SFI1: variants seen among roughly 807,000 people sequenced by gnomAD.
The protein encoded by SFI1 is protein SFI1 homolog.
In SFI1, 195 loss-of-function variants were observed where a neutral mutation model predicts 207.5. That is an observed-to-expected ratio of 0.94 (90% CI 0.84 to 1.06). The LOEUF is 1.06. Among genes scored for constraint, SFI1 ranks in the 50% least tolerant of loss-of-function variants. The pLI, the probability that SFI1 is intolerant of heterozygous loss-of-function variation, is 0.00. For missense variants in SFI1, 1,634 were observed against 1,588.0 expected, an observed-to-expected ratio of 1.03 and a Z score of -0.49; for synonymous variants, 630 against 598.9, an observed-to-expected ratio of 1.05 and a Z score of -0.76.
chr22:31,532,303 T>C (rs2058605336), intron 4 of SFI1, among the ~76,000 whole-genome samples: 1 of 152,160 alleles, frequency 6.6e-6, no homozygotes, highest in Admixed American at 6.6e-5. Flanking sequence ...TCATTTTGTA[T>C]AGACCAGTGC....
chr22:31,583,147 CTT>C (rs1371753695), intron 12 of SFI1, among the ~76,000 whole-genome samples: 1 of 152,074 alleles, frequency 6.6e-6, no homozygotes, highest in South Asian at 2.1e-4. Context: ...GAGTTTCACT[CTT>C]GTTGCCCAGG....
intron 15 of SFI1, among the ~76,000 whole-genome samples, chr22:31,598,857 G>A (rs1402720189): frequency 8.1e-5 from 10 of 123,034 alleles, no homozygotes; most frequent in Non-Finnish European, 1.3e-4. Flanking sequence ...GCAGTGGCAC[G>A]ATCTCAGCTC....
At chr22:31,570,108 G>A (rs1358576578) in intron 8 of SFI1, among the ~76,000 whole-genome samples, 2 of 143,250 alleles carry the variant, frequency 1.4e-5, no homozygotes, top group African/African-American at 5.2e-5. Context: ...CTGAGTAACA[G>A]AATGAGACTC....
chr22:31,580,600 T>G lies in SFI1; in HGVS notation c.1248+236T>G, dbSNP rs1441767306. ...CTCTATTGCCCAGACTGTAATACAG[T>G]GGCACGATCTCAGCTCACTGCAACC... On this transcript the variant is annotated intron_variant, in intron 12 of 32. Transcript: ENST00000400288. Among the ~76,000 whole-genome samples, 4 of 149,084 alleles carry G rather than the reference T, an allele frequency of 2.7e-5. No individual in the cohort carries two copies. In the Admixed American group the frequency reaches 2.8e-4, roughly 10 times the overall value.
intron 15 of SFI1, among the ~76,000 whole-genome samples, chr22:31,601,037 C>T (rs2068011048): frequency 6.6e-6 from 1 of 151,962 alleles, no homozygotes; most frequent in African/African-American, 2.4e-5. Flanking sequence ...CCCAGCACTG[C>T]TGCTGCAGGA....
intron 23 of SFI1, 39 bp from the exon 24 acceptor site, chr22:31,611,727 G>A: frequency 1.3e-6 from 2 of 1,599,428 alleles, no homozygotes; most frequent in Non-Finnish European, 1.7e-6. Context: ...GTCTAGGCTG[G>A]GTCAGGACGC....
At chr22:31,614,758 C>A in intron 27 of SFI1, 31 bp from the exon 28 acceptor site, 4 of 1,612,050 alleles carry the variant, frequency 2.5e-6, no homozygotes, top group Non-Finnish European at 3.4e-6. Flanking sequence ...CCTGGTCAGC[C>A]CAGGGGAACA....
intron 4 of SFI1, among the ~76,000 whole-genome samples, chr22:31,535,381 C>A (rs1398312101): frequency 6.6e-6 from 1 of 151,524 alleles, no homozygotes; most frequent in Admixed American, 6.6e-5. Context: ...GTAGAGACAG[C>A]ATTTCACCAT....
In SFI1 at chr22:31,618,095, T is replaced by A; in HGVS notation, c.3513-20T>A. On this transcript the variant is annotated intron_variant, in intron 31 of 32. Coordinates refer to ENST00000400288, the MANE Select transcript of SFI1 (RefSeq NM_001007467.3). ...GCCAAGGACCCAGCCTGGCAGGCAG[T>A]GGGTATCTCCACCCCTCAGGTCCTG... 1 of 1,554,712 alleles carries A rather than the reference T, an allele frequency of 6.4e-7. No homozygotes were observed. Among genetic ancestry groups the A allele is most frequent in the East Asian group, 2.4e-5 (1 of 42,350 alleles).
intron 8 of SFI1, among the ~76,000 whole-genome samples, chr22:31,567,018 G>C (rs927369359): frequency 6.6e-6 from 1 of 152,020 alleles, no homozygotes; most frequent in Non-Finnish European, 1.5e-5. Context: ...CCATTCTTCT[G>C]CCTCAGCCTC....
At chr22:31,547,680 C>T (rs1448548766) in intron 5 of SFI1, among the ~76,000 whole-genome samples, 4 of 150,334 alleles carry the variant, frequency 2.7e-5, no homozygotes, top group South Asian at 4.2e-4. Context: ...AGTGCAATGG[C>T]GCCATCTTGA....
chr22:31,533,275 C>T (rs2058692057), intron 4 of SFI1, among the ~76,000 whole-genome samples: 1 of 152,166 alleles, frequency 6.6e-6, no homozygotes, highest in Non-Finnish European at 1.5e-5. Context: ...TGCCTGTAAT[C>T]CTAGCACTTT....
intron 4 of SFI1, among the ~76,000 whole-genome samples, chr22:31,537,780 A>G (rs1243501852): frequency 6.6e-6 from 1 of 152,204 alleles, no homozygotes; most frequent in East Asian, 1.9e-4. Flanking sequence ...ATCAAATATC[A>G]ATCTGTTAAA....
At chr22:31,572,733 C>T (rs2063080087) in intron 8 of SFI1, 1 of 175,226 alleles carries the variant, frequency 5.7e-6, no homozygotes, top group Non-Finnish European at 1.2e-5. Flanking sequence ...AAACTCCTAA[C>T]CTCAGGTGAT....
intron 3 of SFI1, 172 bp downstream of exon 3, chr22:31,529,035 A>C: frequency 1.8e-6 from 1 of 566,944 alleles, no homozygotes; most frequent in Non-Finnish European, 3.0e-6. Flanking sequence ...CTGCAGACAT[A>C]AAATCTGTCA....
At chr22:31,507,952 T>G (rs1483110738) in intron 1 of SFI1, among the ~76,000 whole-genome samples, 1 of 152,090 alleles carries the variant, frequency 6.6e-6, no homozygotes, top group Non-Finnish European at 1.5e-5. Flanking sequence ...GGCAGGTACC[T>G]GTAATCCCAG....
intron 2 of SFI1, among the ~76,000 whole-genome samples, chr22:31,517,380 T>C (rs1226415019): frequency 6.6e-6 from 1 of 152,038 alleles, no homozygotes; most frequent in Non-Finnish European, 1.5e-5. Context: ...CCCAAATAGA[T>C]GGCACTACAG....
Position 31,603,755 on chromosome 22 carries a change from G to A in SFI1, c.1817G>A (p.Arg606Lys). ...AQGLRTERTG[R>K]VRAAEFHMAQ... ...CCATCTCCCCACAGGAGGACGGGCA[G>A]GGTGCGGGCAGCAGAATTCCACATG... is the stretch of plus-strand genomic sequence containing the variant. The change falls in exon 18 of 33, where the codon AGG (arginine) becomes AAG (lysine). Residue 606 changes from arginine to lysine, a missense_variant. Physicochemically the swap from Arg to Lys is conservative, Grantham distance 26 (BLOSUM62 2). Coordinates refer to ENST00000400288, the MANE Select transcript of SFI1 (RefSeq NM_001007467.3). 6.5e-7 allele frequency: 1 copy of A among 1,541,266 alleles called. No individual in the cohort carries two copies. Among genetic ancestry groups the A allele is most frequent in the Non-Finnish European group, 8.6e-7 (1 of 1,157,196 alleles).
intron 21 of SFI1, 68 bp from the exon 22 acceptor site, chr22:31,607,869 C>G: frequency 6.2e-6 from 9 of 1,448,102 alleles, no homozygotes; most frequent in Non-Finnish European, 8.7e-6. Context: ...GCCACCGTCA[C>G]AGACCTGGGG....
Sources: gnomAD v4.1 joint callset for allele counts (sites outside exome capture counted in the v4.1 genomes callset) on GRCh38, gnomAD v4.1.1 for gene constraint, MANE v1.5 for transcripts, NCBI Gene and HGNC (gene_info 2026-07-23, HGNC 2026-07-21) for gene names.